The following FSTL5 variants were observed in gnomAD, a reference collection of about 807,000 sequenced individuals.
FSTL5 encodes follistatin-related protein 5.
In FSTL5, 62 loss-of-function variants were observed where a neutral mutation model predicts 89.1. That is an observed-to-expected ratio of 0.70 (90% CI 0.57 to 0.86). The LOEUF is 0.86. Ranked by LOEUF, FSTL5 falls within the 40% of genes least tolerant of loss-of-function variation. FSTL5 has a pLI of 0.00. For missense variants in FSTL5, 1,057 were observed against 1,001.6 expected (o/e 1.06, Z -0.75); for synonymous variants, 383 against 346.2 (o/e 1.11, Z -1.18).
chr4:162,102,173 T>C (rs1731021502), intron 2 of FSTL5, among the ~76,000 whole-genome samples: 1 of 151,940 alleles, frequency 6.6e-6, no homozygotes, highest in African/African-American at 2.4e-5. Context: ...AGAGATCTAA[T>C]GGTAAAAAGA....
intron 6 of FSTL5, among the ~76,000 whole-genome samples, chr4:161,745,277 GA>G (rs2126775959): frequency 6.6e-6 from 1 of 152,060 alleles, no homozygotes; most frequent in African/African-American, 2.4e-5. Flanking sequence ...CAAAGGATTA[GA>G]AAACACAGAT....
At chr4:161,586,257 G>A (rs979259609) in intron 8 of FSTL5, among the ~76,000 whole-genome samples, 2 of 152,058 alleles carry the variant, frequency 1.3e-5, no homozygotes, top group Non-Finnish European at 1.5e-5. Flanking sequence ...TATACATATT[G>A]ATATTATCTG....
chr4:161,585,770 T>C, intron 8 of FSTL5, among the ~76,000 whole-genome samples: 1 of 151,992 alleles, frequency 6.6e-6, no homozygotes, highest in Non-Finnish European at 1.5e-5. Context: ...GATGCAGCAT[T>C]TACCTATAGG....
intron 2 of FSTL5, among the ~76,000 whole-genome samples, chr4:162,089,192 T>G (rs1415905627): frequency 2.0e-5 from 3 of 152,084 alleles, no homozygotes; most frequent in African/African-American, 7.2e-5. Flanking sequence ...ACCTTAACGG[T>G]GTACTTCCCG....
chr4:162,066,317 C>CTTCT (rs1553996268), intron 2 of FSTL5, among the ~76,000 whole-genome samples: 4,894 of 88,546 alleles, frequency 0.055, 143 homozygotes, highest in East Asian at 0.07. Flanking sequence ...TCTTCTTCTT[C>CTTCT]TTCTTCTTCT....
chr4:161,705,965 T>G (rs1293547537), intron 6 of FSTL5, among the ~76,000 whole-genome samples: 5,616 of 76,910 alleles, frequency 0.073, 469 homozygotes, highest in South Asian at 0.31. Context: ...TATATATATA[T>G]ATATATATAT....
chr4:161,724,231 A>G (rs971303734), intron 6 of FSTL5, among the ~76,000 whole-genome samples: 7 of 152,142 alleles, frequency 4.6e-5, no homozygotes, highest in African/African-American at 1.2e-4. Flanking sequence ...GTGATACATA[A>G]TGCTAACACG....
chr4:162,095,490 C>G (rs1730715192), intron 2 of FSTL5, among the ~76,000 whole-genome samples: 1 of 151,978 alleles, frequency 6.6e-6, no homozygotes, highest in African/African-American at 2.4e-5. Context: ...TTCTCTGGAG[C>G]AATGAATGTC....
At chr4:161,613,935 T>C (rs1297492067) in intron 7 of FSTL5, among the ~76,000 whole-genome samples, 1 of 148,330 alleles carries the variant, frequency 6.7e-6, no homozygotes, top group Non-Finnish European at 1.5e-5. Context: ...GACGAAATCA[T>C]GTTATGTTTA....
At chr4:161,494,812 G>A (rs891725165) in intron 12 of FSTL5, among the ~76,000 whole-genome samples, 1 of 152,090 alleles carries the variant, frequency 6.6e-6, no homozygotes, top group Non-Finnish European at 1.5e-5. Flanking sequence ...TATAATCCTA[G>A]AGCTTCAGAG....
At chr4:161,667,963 TAGGA>T (rs769516273) in intron 6 of FSTL5, among the ~76,000 whole-genome samples, 1 of 151,946 alleles carries the variant, frequency 6.6e-6, no homozygotes, top group Non-Finnish European at 1.5e-5. Context: ...GCTTTCACTT[TAGGA>T]AATTAAATAA....
chr4:161,682,970 C>T (rs1392429183), intron 6 of FSTL5, among the ~76,000 whole-genome samples: 2 of 152,126 alleles, frequency 1.3e-5, no homozygotes, highest in Non-Finnish European at 2.9e-5. Flanking sequence ...TGTTCTCGAA[C>T]TCCTGACCTC....
At chr4:161,912,593 A>T (rs1002024940) in intron 4 of FSTL5, among the ~76,000 whole-genome samples, 1 of 152,248 alleles carries the variant, frequency 6.6e-6, no homozygotes, top group Admixed American at 6.5e-5. Flanking sequence ...TGCAAGTCCA[A>T]CTAAACCTCT....
intron 10 of FSTL5, among the ~76,000 whole-genome samples, chr4:161,521,356 A>G (rs988589637): frequency 6.6e-6 from 1 of 151,996 alleles, no homozygotes; most frequent in Non-Finnish European, 1.5e-5. Context: ...ACTCACATAC[A>G]TCTTACATTA....
At chr4:162,051,499 T>C (rs992573474) in intron 2 of FSTL5, among the ~76,000 whole-genome samples, 1 of 151,460 alleles carries the variant, frequency 6.6e-6, no homozygotes, top group East Asian at 1.9e-4. Context: ...CTACTAGACA[T>C]ATAAAGAATA....
intron 7 of FSTL5, among the ~76,000 whole-genome samples, chr4:161,613,710 G>A (rs1317772987): frequency 2.0e-5 from 3 of 152,070 alleles, no homozygotes; most frequent in South Asian, 4.2e-4. Flanking sequence ...TTTCTTTAAG[G>A]ATCACTTTCC....
intron 4 of FSTL5, among the ~76,000 whole-genome samples, chr4:161,841,454 G>T (rs1048932043): frequency 2.6e-5 from 4 of 152,074 alleles, no homozygotes; most frequent in African/African-American, 9.7e-5. Flanking sequence ...TGCAAAATGT[G>T]CTTTAAGGCT....
chr4:161,746,748 A>G (rs1740215231), intron 6 of FSTL5, among the ~76,000 whole-genome samples: 1 of 152,074 alleles, frequency 6.6e-6, no homozygotes, highest in Admixed American at 6.6e-5. Flanking sequence ...TGTCTTGCCT[A>G]TACCTACATG....
chr4:162,153,724 A>G (rs1049007385), intron 1 of FSTL5, among the ~76,000 whole-genome samples: 3 of 90,004 alleles, frequency 3.3e-5, no homozygotes, highest in African/African-American at 1.1e-4. Flanking sequence ...ATATAATAAT[A>G]TATGTATATA....
Sources: allele counts gnomAD v4.1 joint callset (sites outside exome capture counted in the v4.1 genomes callset), GRCh38; gene constraint gnomAD v4.1.1; transcripts MANE v1.5; gene names NCBI Gene and HGNC (gene_info 2026-07-23, HGNC 2026-07-21).